LMNTD1: variants seen among roughly 807,000 people sequenced by gnomAD.
LMNTD1 encodes the protein lamin tail domain-containing protein 1.
A neutral mutation model predicts 50.9 loss-of-function variants in LMNTD1; 35 were observed. That is an observed-to-expected ratio of 0.69 (90% CI 0.53 to 0.91). The LOEUF is 0.91. Among genes scored for constraint, LMNTD1 ranks in the 40% least tolerant of loss-of-function variants. The pLI is 0.00. For synonymous variants in LMNTD1, 153 were observed against 161.9 expected, an observed-to-expected ratio of 0.94 and a Z score of 0.42; for missense variants, 470 against 475.5, an observed-to-expected ratio of 0.99 and a Z score of 0.11.
chr12:25,635,240 CAAAAAAAAAAAGAA>C (rs1243841257), intron 1 of LMNTD1, among the ~76,000 whole-genome samples: 5 of 114,138 alleles, frequency 4.4e-5, no homozygotes, highest in Non-Finnish European at 5.1e-5. Context: ...AACTCTGTCT[CAAAAAAAAAAAGAA>C]AAAAAAAAAA....
intron 7 of LMNTD1, 115 bp downstream of exon 7, chr12:25,519,742 TC>T: frequency 1.4e-6 from 1 of 692,444 alleles, no homozygotes; most frequent in Non-Finnish European, 2.5e-6. Flanking sequence ...TTTCCAAAAA[TC>T]ACTATTGATT....
chr12:25,636,049 C>T (rs1281511463), intron 1 of LMNTD1, among the ~76,000 whole-genome samples: 1 of 152,068 alleles, frequency 6.6e-6, no homozygotes, highest in East Asian at 1.9e-4. Flanking sequence ...TAACTTTGGA[C>T]AACCCCTTCT....
chr12:25,494,451 T>C (rs1938992520), intron 9 of LMNTD1, among the ~76,000 whole-genome samples: 1 of 152,156 alleles, frequency 6.6e-6, no homozygotes, highest in Non-Finnish European at 1.5e-5. Context: ...CTTATGGCAT[T>C]GAATATACTG....
In LMNTD1 at chr12:25,553,164, C is replaced by T. The variant is rs928836838; in HGVS notation, c.-126G>A. On this transcript the variant is annotated 5_prime_UTR_variant, in exon 1 of 10. Coordinates refer to ENST00000458174, the MANE Select transcript of LMNTD1 (RefSeq NM_001145728.2). ...CAATTCTCATGAGGATATGTAAGTA[C>T]CAACATAGCCAATCCTGATCTTGGC... 1 of 1,605,614 alleles carries T rather than the reference C, an allele frequency of 6.2e-7. No homozygotes were observed. The highest frequency in any genetic ancestry group is 8.5e-7 in the Non-Finnish European group (1 of 1,177,280).
chr12:25,519,038 A>C (rs536139857), intron 7 of LMNTD1, 71 bp from the exon 8 acceptor site: 1 of 1,393,206 alleles, frequency 7.2e-7, no homozygotes, highest in Non-Finnish European at 1.0e-6. Context: ...TGAAGGCACA[A>C]TTAAAGGGGA....
chr12:25,636,364 C>T (rs1946834617), intron 1 of LMNTD1, among the ~76,000 whole-genome samples: 1 of 151,896 alleles, frequency 6.6e-6, no homozygotes, highest in African/African-American at 2.4e-5. Context: ...ATACAAATGA[C>T]CAACAAACAT....
chr12:25,479,409 T>C (rs376602814), intron 9 of LMNTD1, among the ~76,000 whole-genome samples: 1 of 152,188 alleles, frequency 6.6e-6, no homozygotes, highest in South Asian at 2.1e-4. Context: ...ATATATTAGA[T>C]GCTGATTCAG....
intron 8 of LMNTD1, among the ~76,000 whole-genome samples, chr12:25,512,925 C>T (rs1373962660): frequency 1.3e-5 from 2 of 152,020 alleles, no homozygotes. Context: ...ACATTTATTG[C>T]CCATGAGTGG....
At chr12:25,632,942 G>A (rs1370246048) in intron 1 of LMNTD1, among the ~76,000 whole-genome samples, 1 of 151,208 alleles carries the variant, frequency 6.6e-6, no homozygotes, top group African/African-American at 2.4e-5. Flanking sequence ...AACACATAAG[G>A]ACTCACATAA....
At chr12:25,572,359 G>T (rs775644840) in intron 1 of LMNTD1, among the ~76,000 whole-genome samples, 1 of 152,286 alleles carries the variant, frequency 6.6e-6, no homozygotes, top group Admixed American at 6.5e-5. Context: ...TGGCTAAGTT[G>T]TATCTATTTG....
At chr12:25,613,233 G>A (rs746554345) in intron 1 of LMNTD1, among the ~76,000 whole-genome samples, 2 of 152,204 alleles carry the variant, frequency 1.3e-5, no homozygotes, top group African/African-American at 2.4e-5. Context: ...GCAACAGAAA[G>A]TCAATGCACC....
chr12:25,531,540 T>C (rs1565980934), intron 4 of LMNTD1, among the ~76,000 whole-genome samples: 1 of 152,238 alleles, frequency 6.6e-6, no homozygotes, highest in Non-Finnish European at 1.5e-5. Flanking sequence ...TGGCTGACTT[T>C]AAGACTTTTT....
intron 1 of LMNTD1, among the ~76,000 whole-genome samples, chr12:25,614,083 A>AT (rs1946301751): frequency 6.6e-6 from 1 of 151,890 alleles, no homozygotes. Flanking sequence ...AAAAAAAAAA[A>AT]GTATCTAAAA....
chr12:25,565,245 T>G (rs946318034), intron 1 of LMNTD1, among the ~76,000 whole-genome samples: 1 of 152,120 alleles, frequency 6.6e-6, no homozygotes, highest in Non-Finnish European at 1.5e-5. Context: ...TTTTGTGGTC[T>G]TCTCTTTGTT....
intron 9 of LMNTD1, among the ~76,000 whole-genome samples, chr12:25,489,333 C>A (rs947897384): frequency 1.3e-5 from 2 of 150,696 alleles, no homozygotes; most frequent in East Asian, 3.9e-4. Flanking sequence ...TCTGGTGGTG[C>A]GCCGTTTTTT....
intron 1 of LMNTD1, among the ~76,000 whole-genome samples, chr12:25,562,558 T>G (rs1256514815): frequency 6.6e-6 from 1 of 152,248 alleles, no homozygotes; most frequent in African/African-American, 2.4e-5. Context: ...TCTCTCTGGC[T>G]GCCCTTAACA....
intron 1 of LMNTD1, among the ~76,000 whole-genome samples, chr12:25,611,098 T>A (rs1231223634): frequency 1.3e-5 from 2 of 152,102 alleles, no homozygotes; most frequent in Admixed American, 6.5e-5. Flanking sequence ...GGGCAGGACG[T>A]CAAGGGAAGG....
intron 1 of LMNTD1, among the ~76,000 whole-genome samples, chr12:25,597,486 T>C (rs1464275666): frequency 1.3e-5 from 2 of 151,976 alleles, no homozygotes; most frequent in Non-Finnish European, 2.9e-5. Context: ...CACTCAAAAC[T>C]GAAGCACCCA....
intron 1 of LMNTD1, among the ~76,000 whole-genome samples, chr12:25,577,342 G>T (rs181097719): frequency 6.6e-6 from 1 of 152,144 alleles, no homozygotes; most frequent in Admixed American, 6.5e-5. Context: ...TCTTCCATTT[G>T]TTTGTGTCCT....
Sources: allele counts gnomAD v4.1 joint callset (sites outside exome capture counted in the v4.1 genomes callset), GRCh38; gene constraint gnomAD v4.1.1; transcripts MANE v1.5; gene names NCBI Gene and HGNC (gene_info 2026-07-23, HGNC 2026-07-21).